Variants in VSTM2A observed in about 807,000 individuals in gnomAD.
The protein encoded by VSTM2A is V-set and transmembrane domain-containing protein 2A.
In VSTM2A, 13 loss-of-function variants were observed where a neutral mutation model predicts 27.3. That is an observed-to-expected ratio of 0.48 (90% CI 0.31 to 0.76). The LOEUF is 0.76. VSTM2A is among the 30% of genes least tolerant of loss of function. VSTM2A has a pLI of 0.05. For synonymous variants in VSTM2A, 142 were observed against 125.7 expected, an observed-to-expected ratio of 1.13 and a Z score of -0.87; for missense variants, 280 against 310.0, an observed-to-expected ratio of 0.90 and a Z score of 0.73.
intron 4 of VSTM2A, 148 bp from the exon 5 acceptor site, chr7:54,568,983 C>A: frequency 6.4e-7 from 1 of 1,574,688 alleles, no homozygotes; most frequent in Non-Finnish European, 8.6e-7. Flanking sequence ...TCAAGATGAG[C>A]GAATATCTTA....
chr7:54,551,846 T>C (rs182565463), intron 4 of VSTM2A: 123 of 152,294 alleles, frequency 8.1e-4, no homozygotes, highest in African/African-American at 2.8e-3. Context: ...CTACATAGAC[T>C]GTTCCAAGTT....
At chr7:54,546,636 C>T (rs888330595) in intron 2 of VSTM2A, 18 of 302,480 alleles carry the variant, frequency 6.0e-5, no homozygotes, top group Non-Finnish European at 1.0e-4. Context: ...CGGCGGCTCC[C>T]GGCCCCGCCT....
At chr7:54,557,038 G>C (rs1336287418) in intron 4 of VSTM2A, 1 of 152,208 alleles carries the variant, frequency 6.6e-6, no homozygotes, top group Non-Finnish European at 1.5e-5. Context: ...TTGCTAGAAA[G>C]GCTTCACTCT....
rs1229457968 is a variant in VSTM2A, at chr7:54,568,930, AT to A, written c.635-200del. On this transcript the variant is annotated intron_variant, in intron 4 of 4. Coordinates refer to ENST00000402613, the MANE Select transcript of VSTM2A (RefSeq NM_001301009.2). ...GCTGGCGAGCTAATTAAATATATAT[AT>A]GTATGTGTTTAAAACAACCTAATAA... The A allele has an allele frequency of 6.1e-6, 9 of 1,465,104 alleles. No homozygotes were observed. In the African/African-American group the frequency reaches 1.3e-4, roughly 21 times the overall value. The allele number at this position is 1,465,104 out of a possible 1,614,324, so 90.8% of individuals were successfully genotyped here.
chr7:54,547,795 C>T (rs59992720), intron 3 of VSTM2A, among the ~76,000 whole-genome samples: 34,257 of 151,936 alleles, frequency 0.23, 4,341 homozygotes, highest in African/African-American at 0.34. Flanking sequence ...TCCCAATGAC[C>T]TACATTTTAA....
At chr7:54,558,275 A>C (rs1299195181) in intron 4 of VSTM2A, 1 of 152,206 alleles carries the variant, frequency 6.6e-6, no homozygotes, top group Non-Finnish European at 1.5e-5. Context: ...TAAAGCCTTA[A>C]AAAGAGACAA....
At position 54,546,779 on chromosome 7, in the gene VSTM2A, G is replaced by C. The variant is rs1453986319; in HGVS notation, c.247-168G>C. 23 of 673,912 alleles carry C rather than the reference G, an allele frequency of 3.4e-5. No individual in the cohort carries two copies. In the East Asian group the frequency reaches 7.5e-4, roughly 22 times the overall value. 41.7% of individuals were successfully genotyped at this position (673,912 alleles called of 1,614,324 possible). A position where few individuals can be genotyped will look rare whatever the true frequency, so the allele number is the denominator to read the frequency against. ...GCGTGGGGTATGCCAGGGACAGCGT[G>C]GGGGCGGTGCGGTCTGGGCCTGGAC... On this transcript the variant is annotated intron_variant, in intron 2 of 4. Transcript: ENST00000402613.
At chr7:54,548,684 C>T (rs1361415947) in intron 3 of VSTM2A, among the ~76,000 whole-genome samples, 1 of 152,096 alleles carries the variant, frequency 6.6e-6, no homozygotes, top group African/African-American at 2.4e-5. Context: ...GTATTCACTT[C>T]ATTTTTATAG....
intron 4 of VSTM2A, among the ~76,000 whole-genome samples, chr7:54,552,819 G>A (rs545549275): frequency 1.3e-5 from 2 of 152,280 alleles, no homozygotes; most frequent in South Asian, 4.1e-4. Context: ...ATACAAAGAG[G>A]CATCCTTCAT....
chr7:54,554,520 A>G (rs1026891784), intron 4 of VSTM2A, among the ~76,000 whole-genome samples: 4 of 152,208 alleles, frequency 2.6e-5, no homozygotes, highest in African/African-American at 9.7e-5. Context: ...ATGTCTGCAC[A>G]CTTGTCTCCA....
At chr7:54,546,855 GC>G in intron 2 of VSTM2A, 91 bp from the exon 3 acceptor site, 1 of 1,513,866 alleles carries the variant, frequency 6.6e-7, no homozygotes, top group Non-Finnish European at 8.9e-7. Context: ...CACCCTGACG[GC>G]CCTGCCCGGA....
rs1787905098 is a variant in VSTM2A at position 54,545,131 on chromosome 7, A to G, written c.246+343A>G. ...CCCTTTCCAGGACGAAAGGAGGGGG[A>G]GGGGAATCGGTGGGCGGCCTCCACC... On this transcript the variant is annotated intron_variant, in intron 2 of 4. Transcript: ENST00000402613. Among the ~76,000 whole-genome samples, 6 of 151,730 alleles carry G rather than the reference A, an allele frequency of 4.0e-5. No homozygotes were observed. The South Asian group carries it at 1.3e-3, about 32-fold the overall frequency.
rs772652905 is a variant in VSTM2A at position 54,549,937 on chromosome 7, A to G, written c.401A>G (p.Tyr134Cys). 5.6e-6 allele frequency: 9 copies of G among 1,613,718 alleles called. No individual in the cohort carries two copies. The African/African-American group carries it at 9.3e-5, about 17-fold the overall frequency. ...LYECRVTDAN[Y>C]GELQEHKAQA... ...GAGTGCAGGGTGACTGATGCCAACT[A>G]CGGGGAGCTTCAGGAACACAAGGCC... Residue 134 changes from tyrosine (Y) to cysteine (C), a missense_variant, in exon 4 of 5, where the codon TAC (tyrosine) becomes TGC (cysteine). Physicochemically the swap from Tyr to Cys is radical, Grantham distance 194. Transcript: ENST00000402613.
At chr7:54,552,474 A>G (rs1788226931) in intron 4 of VSTM2A, 1 of 152,116 alleles carries the variant, frequency 6.6e-6, no homozygotes, top group African/African-American at 2.4e-5. Context: ...CCACATCCTG[A>G]TTTATGATTT....
chr7:54,555,072 A>G (rs960176154), intron 4 of VSTM2A, among the ~76,000 whole-genome samples: 1 of 152,216 alleles, frequency 6.6e-6, no homozygotes, highest in Admixed American at 6.5e-5. Flanking sequence ...ATTGGTCTTG[A>G]GGAAGCCTTG....
At chr7:54,549,117 G>A (rs968762661) in intron 3 of VSTM2A, among the ~76,000 whole-genome samples, 11 of 151,624 alleles carry the variant, frequency 7.3e-5, no homozygotes, top group Non-Finnish European at 1.5e-4. Context: ...AAATAAATAA[G>A]CCAATTTCAA....
intron 2 of VSTM2A, among the ~76,000 whole-genome samples, chr7:54,545,756 G>A (rs1460332797): frequency 6.7e-5 from 8 of 120,200 alleles, no homozygotes; most frequent in Non-Finnish European, 1.4e-4. Context: ...GAAAGAGAGG[G>A]CAGGGAGAGA....
rs137872705 is a variant in VSTM2A at position 54,559,969 on chromosome 7, AATGT to A, written c.635-9160_635-9157del. 4 of 152,266 alleles carry A rather than the reference AATGT, an allele frequency of 2.6e-5. No individual in the cohort carries two copies. The East Asian group carries it at 7.7e-4, about 29-fold the overall frequency. The allele number at this position is 152,266 out of a possible 1,614,324, so 9.4% of individuals were successfully genotyped here. A position where few individuals can be genotyped will look rare whatever the true frequency, so the allele number is the denominator to read the frequency against. ...GAAAAAAAGAAAATGTACAGCAGTC[AATGT>A]AAGTTATGATTTTTAATTTTTTATT... On this transcript the variant is annotated intron_variant, in intron 4 of 4. Transcript: ENST00000402613.
intron 1 of VSTM2A, among the ~76,000 whole-genome samples, 189 bp from the exon 2 acceptor site, chr7:54,544,433 G>A (rs145020763): frequency 0.015 from 2,267 of 152,272 alleles, 30 homozygotes; most frequent in Non-Finnish European, 0.02. Context: ...TAGTGATTTA[G>A]GTATGATACC....
Sources: gnomAD v4.1 joint callset for allele counts (sites outside exome capture counted in the v4.1 genomes callset) on GRCh38, gnomAD v4.1.1 for gene constraint, MANE v1.5 for transcripts, NCBI Gene and HGNC (gene_info 2026-07-23, HGNC 2026-07-21) for gene names.